GALNT17: variants seen among roughly 807,000 people sequenced by gnomAD.
GALNT17 encodes the protein polypeptide N-acetylgalactosaminyltransferase 17.
A neutral mutation model predicts 63.7 loss-of-function variants in GALNT17; 29 were observed. The ratio of observed to expected loss-of-function variants is 0.46; its 90% confidence interval spans 0.34 to 0.62. The LOEUF is 0.62. Among genes scored for constraint, GALNT17 ranks in the 20% least tolerant of loss-of-function variants. GALNT17 has a pLI of 0.01. For missense variants in GALNT17, 603 were observed against 799.6 expected (o/e 0.75, Z 2.97); for synonymous variants, 305 against 318.3 (o/e 0.96, Z 0.45).
intron 2 of GALNT17, among the ~76,000 whole-genome samples, chr7:71,355,864 G>C (rs1281991668): frequency 1.3e-5 from 2 of 152,154 alleles, no homozygotes. Flanking sequence ...CCCTGAGGTT[G>C]AGAAGATGTG....
intron 5 of GALNT17, among the ~76,000 whole-genome samples, chr7:71,497,081 G>C (rs1417378821): frequency 1.3e-5 from 2 of 152,082 alleles, no homozygotes; most frequent in African/African-American, 4.8e-5. Flanking sequence ...TCTAAAAGAA[G>C]AAAATGATCT....
intron 1 of GALNT17, among the ~76,000 whole-genome samples, chr7:71,242,244 C>CTTTTTT (rs796157853): frequency 3.0e-4 from 35 of 116,714 alleles, no homozygotes; most frequent in Non-Finnish European, 5.1e-4. Flanking sequence ...GATCACATTT[C>CTTTTTT]TTTTTTTTTT....
rs898095185 is a variant in GALNT17 at position 71,671,996 on chromosome 7, C to G, written c.1404+1887C>G. Among the ~76,000 whole-genome samples the G allele has an allele frequency of 2.0e-5, 3 of 146,348 alleles. No homozygotes were observed. In the East Asian group the frequency reaches 6.0e-4, roughly 29 times the overall value. ...TGAGCTGAGATCGCGCCACTGCACT[C>G]CAGCCTGGGTGATAGAGTGAGACTC... On this transcript the variant is annotated intron_variant, in intron 8 of 10. Transcript: ENST00000333538.
At chr7:71,541,746 G>A (rs1788896763) in intron 5 of GALNT17, among the ~76,000 whole-genome samples, 1 of 152,132 alleles carries the variant, frequency 6.6e-6, no homozygotes, top group African/African-American at 2.4e-5. Flanking sequence ...AGGCTGGGAT[G>A]CCTTGCTGTT....
chr7:71,431,471 A>T (rs1304309370), intron 5 of GALNT17, among the ~76,000 whole-genome samples: 1 of 151,928 alleles, frequency 6.6e-6, no homozygotes, highest in Non-Finnish European at 1.5e-5. Flanking sequence ...CAGCCTCCCA[A>T]AGTGCTGGGA....
At chr7:71,282,203 A>G (rs1329914179) in intron 1 of GALNT17, among the ~76,000 whole-genome samples, 2 of 152,240 alleles carry the variant, frequency 1.3e-5, no homozygotes, top group Non-Finnish European at 2.9e-5. Context: ...AGACAAAAGC[A>G]TGTTCATCCT....
At chr7:71,502,960 T>A (rs75706199) in intron 5 of GALNT17, among the ~76,000 whole-genome samples, 9,701 of 152,266 alleles carry the variant, frequency 0.064, 456 homozygotes, top group Middle Eastern at 0.13. Flanking sequence ...CAGACATTGT[T>A]GAAATGTCTG....
intron 6 of GALNT17, among the ~76,000 whole-genome samples, chr7:71,578,139 C>T (rs957694297): frequency 4.3e-4 from 65 of 152,004 alleles, no homozygotes; most frequent in African/African-American, 1.3e-3. Flanking sequence ...TGGGTTCCAG[C>T]GATTCTCCTG....
chr7:71,246,117 T>C (rs1319411814), intron 1 of GALNT17, among the ~76,000 whole-genome samples: 5 of 48,062 alleles, frequency 1.0e-4, no homozygotes, highest in African/African-American at 3.5e-4. Context: ...TTTTCGTTGT[T>C]TTTTTTTTTT....
chr7:71,693,309 C>CATAT (rs369668179), intron 9 of GALNT17, among the ~76,000 whole-genome samples: 3 of 124,160 alleles, frequency 2.4e-5, no homozygotes, highest in East Asian at 4.8e-4. Flanking sequence ...CACACACACA[C>CATAT]ATATATATAT....
At chr7:71,303,390 C>A (rs1378910021) in intron 1 of GALNT17, among the ~76,000 whole-genome samples, 1 of 151,916 alleles carries the variant, frequency 6.6e-6, no homozygotes, top group Admixed American at 6.6e-5. Context: ...CTTATATATA[C>A]CACTTAATTG....
chr7:71,389,491 A>G (rs1197806779), intron 3 of GALNT17, among the ~76,000 whole-genome samples: 1 of 152,074 alleles, frequency 6.6e-6, no homozygotes, highest in African/African-American at 2.4e-5. Flanking sequence ...GAATAGTTTC[A>G]TCCTGAAACC....
chr7:71,207,578 G>T (rs1323392698), intron 1 of GALNT17, among the ~76,000 whole-genome samples: 1 of 152,164 alleles, frequency 6.6e-6, no homozygotes, highest in African/African-American at 2.4e-5. Context: ...GGTTGGGGTA[G>T]GGAGGTAGGG....
intron 2 of GALNT17, among the ~76,000 whole-genome samples, chr7:71,380,684 CAA>C (rs1792828646): frequency 6.6e-6 from 1 of 151,910 alleles, no homozygotes; most frequent in South Asian, 2.1e-4. Context: ...AGCGAAGATG[CAA>C]GAGAGAGAGT....
chr7:71,346,754 C>T (rs917859494), intron 2 of GALNT17, among the ~76,000 whole-genome samples: 4 of 1,204 alleles, frequency 3.3e-3, no homozygotes, highest in East Asian at 0.033. Context: ...GTTGGGGGGG[C>T]GGGGGTGGGT....
chr7:71,295,636 C>T (rs530395696), intron 1 of GALNT17, among the ~76,000 whole-genome samples: 5 of 151,732 alleles, frequency 3.3e-5, no homozygotes, highest in African/African-American at 9.7e-5. Flanking sequence ...TTTCTTTGCT[C>T]CCTGTCTGGT....
Position 71,665,476 on chromosome 7 carries a change from G to A in GALNT17, c.1146G>A (p.Lys382=), listed in dbSNP as rs1430022803. ...PCSRVAHIER[K]KKPYNSNIGF... ...CACGGGTGGCCCACATTGAGCGGAA[G>A]AAGAAGCCATATAATAGCAACATTG... Residue 382 remains lysine, a synonymous_variant, in exon 7 of 11, where the codon AAG becomes AAA. Coordinates refer to ENST00000333538, the MANE Select transcript of GALNT17 (RefSeq NM_022479.3). The A allele has an allele frequency of 1.2e-6, 2 of 1,613,592 alleles. No individual in the cohort carries two copies. Among genetic ancestry groups the A allele is most frequent in the East Asian group, 2.2e-5 (1 of 44,856 alleles).
chr7:71,558,303 A>T (rs1789198043), intron 5 of GALNT17, among the ~76,000 whole-genome samples: 1 of 152,130 alleles, frequency 6.6e-6, no homozygotes, highest in Admixed American at 6.5e-5. Context: ...AAAATGTAAC[A>T]TTAATGAGTC....
At chr7:71,603,360 A>T (rs997525353) in intron 6 of GALNT17, among the ~76,000 whole-genome samples, 3 of 151,746 alleles carry the variant, frequency 2.0e-5, no homozygotes, top group Non-Finnish European at 4.4e-5. Context: ...CATACACTGG[A>T]TACTATGCTA....
Sources: gnomAD v4.1 joint callset for allele counts (sites outside exome capture counted in the v4.1 genomes callset) on GRCh38, gnomAD v4.1.1 for gene constraint, MANE v1.5 for transcripts, NCBI Gene and HGNC (gene_info 2026-07-23, HGNC 2026-07-21) for gene names.